The following LRMDA variants were observed in gnomAD, a reference collection of about 807,000 sequenced individuals.
The protein encoded by LRMDA is leucine rich melanocyte differentiation associated.
LRMDA carries 18 observed loss-of-function variants against 29.8 expected under a neutral mutation model. That is an observed-to-expected ratio of 0.60 (90% CI 0.42 to 0.90). The LOEUF (loss-of-function observed/expected upper bound fraction) is 0.90. Ranked by LOEUF, LRMDA falls within the 40% of genes least tolerant of loss-of-function variation. The pLI is 0.00. For synonymous variants in LRMDA, 125 were observed against 109.4 expected, an observed-to-expected ratio of 1.14 and a Z score of -0.89; for missense variants, 273 against 273.9, an observed-to-expected ratio of 1.00 and a Z score of 0.02.
intron 2 of LRMDA, among the ~76,000 whole-genome samples, chr10:75,960,208 T>A (rs1052488186): frequency 6.6e-6 from 1 of 152,234 alleles, no homozygotes; most frequent in Non-Finnish European, 1.5e-5. Flanking sequence ...GCTCTAGAGC[T>A]AATTCATACT....
At chr10:76,193,845 G>T (rs967451502) in intron 5 of LRMDA, among the ~76,000 whole-genome samples, 4 of 152,180 alleles carry the variant, frequency 2.6e-5, no homozygotes, top group Non-Finnish European at 4.4e-5. Context: ...GAGGCCTGCA[G>T]CAGGAGAAGC....
chr10:76,098,171 C>G (rs1416278026), intron 5 of LRMDA, among the ~76,000 whole-genome samples: 1 of 152,114 alleles, frequency 6.6e-6, no homozygotes, highest in Non-Finnish European at 1.5e-5. Flanking sequence ...ATACGTTATA[C>G]AATGAATTTA....
intron 5 of LRMDA, among the ~76,000 whole-genome samples, chr10:76,109,828 G>A (rs968902869): frequency 6.6e-6 from 1 of 152,066 alleles, no homozygotes; most frequent in African/African-American, 2.4e-5. Flanking sequence ...GTCTTTCCTT[G>A]GCTTTAGTGA....
rs138805567 is a variant in LRMDA at position 76,310,005 on chromosome 10, T to A, written c.517-14396T>A. On this transcript the variant is annotated intron_variant, in intron 5 of 6. Transcript: ENST00000611255. ...CTTAAAATGAGATCATTTTGATAAA[T>A]CATGTATGACATGAAAAGACTTTAT... Among the ~76,000 whole-genome samples, 617 of 152,312 alleles carry A rather than the reference T, an allele frequency of 4.1e-3. 6 individuals carry two copies. Among genetic ancestry groups the A allele is most frequent in the African/African-American group, 0.014 (569 of 41,574 alleles).
intron 2 of LRMDA, among the ~76,000 whole-genome samples, chr10:75,621,805 T>C (rs148267925): frequency 6.6e-6 from 1 of 152,332 alleles, no homozygotes; most frequent in African/African-American, 2.4e-5. Flanking sequence ...GCTGGGACCC[T>C]GATCTGATGT....
intron 5 of LRMDA, among the ~76,000 whole-genome samples, chr10:76,292,269 G>A (rs1840351197): frequency 6.6e-6 from 1 of 152,142 alleles, no homozygotes; most frequent in South Asian, 2.1e-4. Context: ...ATCCACTGAA[G>A]GAATTCGAGG....
intron 5 of LRMDA, among the ~76,000 whole-genome samples, chr10:76,108,502 G>A (rs78645459): frequency 0.017 from 2,579 of 152,158 alleles, 81 homozygotes; most frequent in African/African-American, 0.059. Flanking sequence ...GTGTATATAC[G>A]TGCAAAGATA....
chr10:76,456,803 G>A (rs1842461544), intron 6 of LRMDA, among the ~76,000 whole-genome samples: 2 of 152,092 alleles, frequency 1.3e-5, no homozygotes, highest in Non-Finnish European at 2.9e-5. Context: ...TCTAGCTCTT[G>A]AAGGAAGACT....
In LRMDA at chr10:75,757,583, C is replaced by T. The variant is rs1015617382; in HGVS notation, c.132-278425C>T. On this transcript the variant is annotated intron_variant, in intron 2 of 6. Coordinates refer to ENST00000611255, the MANE Select transcript of LRMDA (RefSeq NM_001305581.2). ...CAGCTGTGTGACCTTGGGCATGTGTCTTGACCACTTTTCCGTCTTTTAAAA... is the reference window on the plus strand; with the variant it reads ...CAGCTGTGTGACCTTGGGCATGTGTTTTGACCACTTTTCCGTCTTTTAAAA... 3.9e-5 allele frequency among the ~76,000 whole-genome samples: 6 copies of T among 152,074 alleles called. No homozygotes were observed. In the East Asian group the frequency reaches 1.2e-3, roughly 29 times the overall value.
chr10:76,315,097 G>A (rs533691889), intron 5 of LRMDA, among the ~76,000 whole-genome samples: 1 of 152,300 alleles, frequency 6.6e-6, no homozygotes, highest in Non-Finnish European at 1.5e-5. Context: ...TCTCAATTCC[G>A]GTCTCCACAT....
rs888429771 is a variant in LRMDA, at chr10:76,025,879, A to G, written c.132-10129A>G. 3.9e-5 allele frequency among the ~76,000 whole-genome samples: 6 copies of G among 152,170 alleles called. No homozygotes were observed. The South Asian group carries it at 1.2e-3, about 32-fold the overall frequency. ...GGTAACTGCTTCCCTGTCTATACCTACTACTTAATAGTAGGGGACTATTGC... is the reference window on the plus strand; with the variant it reads ...GGTAACTGCTTCCCTGTCTATACCTGCTACTTAATAGTAGGGGACTATTGC... On this transcript the variant is annotated intron_variant, in intron 2 of 6. Coordinates refer to ENST00000611255, the MANE Select transcript of LRMDA (RefSeq NM_001305581.2).
At chr10:75,712,045 A>G (rs981821689) in intron 2 of LRMDA, among the ~76,000 whole-genome samples, 1 of 152,050 alleles carries the variant, frequency 6.6e-6, no homozygotes, top group African/African-American at 2.4e-5. Flanking sequence ...CAGGCCTGGT[A>G]GTCTCCCGCT....
intron 5 of LRMDA, among the ~76,000 whole-genome samples, chr10:76,123,241 G>C (rs565976891): frequency 1.3e-5 from 2 of 151,978 alleles, no homozygotes; most frequent in East Asian, 3.9e-4. Context: ...AGGCACAGTG[G>C]CTCATACCTA....
chr10:76,079,230 T>C (rs1407922450), intron 5 of LRMDA, among the ~76,000 whole-genome samples: 1 of 152,252 alleles, frequency 6.6e-6, no homozygotes, highest in Admixed American at 6.5e-5. Context: ...AGTACTCTTA[T>C]TCCCTTTTTA....
intron 5 of LRMDA, among the ~76,000 whole-genome samples, chr10:76,172,893 G>A (rs12778566): frequency 0.16 from 24,679 of 152,024 alleles, 2,761 homozygotes; most frequent in East Asian, 0.52. Context: ...ATAATATCTG[G>A]CATCAAAGAA....
At chr10:76,373,317 G>A (rs7907887) in intron 6 of LRMDA, among the ~76,000 whole-genome samples, 1 of 151,868 alleles carries the variant, frequency 6.6e-6, no homozygotes, top group African/African-American at 2.4e-5. Context: ...CAGCATTGGC[G>A]ATGTGAGGAA....
At chr10:75,570,277 G>GGT (rs2132069524) in intron 2 of LRMDA, among the ~76,000 whole-genome samples, 1 of 152,302 alleles carries the variant, frequency 6.6e-6, no homozygotes, top group South Asian at 2.1e-4. Context: ...TATCTTGAAA[G>GGT]GTTAAAAGCA....
chr10:75,786,514 T>A (rs1843474912), intron 2 of LRMDA, among the ~76,000 whole-genome samples: 1 of 152,222 alleles, frequency 6.6e-6, no homozygotes. Context: ...GGAAATATGT[T>A]GGTTTAGTAC....
intron 2 of LRMDA, among the ~76,000 whole-genome samples, chr10:75,695,981 G>A (rs1035256328): frequency 6.6e-6 from 1 of 152,016 alleles, no homozygotes. Flanking sequence ...GGTATATTCC[G>A]GGTATATGGT....
Sources: allele counts gnomAD v4.1 joint callset (sites outside exome capture counted in the v4.1 genomes callset), GRCh38; gene constraint gnomAD v4.1.1; transcripts MANE v1.5; gene names NCBI Gene and HGNC (gene_info 2026-07-23, HGNC 2026-07-21).